CNTN5: variants seen among roughly 807,000 people sequenced by gnomAD.
CNTN5 encodes the protein contactin 5.
In CNTN5, 77 loss-of-function variants were observed where a neutral mutation model predicts 129.1. The observed-to-expected ratio is 0.60, with a 90% confidence interval of 0.50 to 0.72. CNTN5 has a LOEUF of 0.72. Among genes scored for constraint, CNTN5 ranks in the 30% least tolerant of loss-of-function variants. The pLI is 0.00. For synonymous variants in CNTN5, 509 were observed against 465.6 expected, an observed-to-expected ratio of 1.09 and a Z score of -1.20; for missense variants, 1,478 against 1,328.8, an observed-to-expected ratio of 1.11 and a Z score of -1.75.
At chr11:99,964,308 A>G (rs1349765214) in intron 8 of CNTN5, among the ~76,000 whole-genome samples, 1 of 151,844 alleles carries the variant, frequency 6.6e-6, no homozygotes, top group Non-Finnish European at 1.5e-5. Flanking sequence ...TGTCATAGAT[A>G]GCTTTTATTT....
chr11:99,898,120 T>C (rs1378855552), intron 6 of CNTN5, among the ~76,000 whole-genome samples: 1 of 151,634 alleles, frequency 6.6e-6, no homozygotes, highest in African/African-American at 2.4e-5. Context: ...ACATAAAAAA[T>C]AGAAAAATCT....
chr11:100,316,324 C>T (rs975998299), intron 21 of CNTN5, among the ~76,000 whole-genome samples: 1 of 152,152 alleles, frequency 6.6e-6, no homozygotes, highest in African/African-American at 2.4e-5. Flanking sequence ...GGGCACTATG[C>T]TGGGCAATGG....
At chr11:100,345,059 C>T (rs1952249047) in intron 23 of CNTN5, among the ~76,000 whole-genome samples, 2 of 152,082 alleles carry the variant, frequency 1.3e-5, no homozygotes, top group African/African-American at 4.8e-5. Flanking sequence ...TTGAGCTCCC[C>T]ATTGTCCAAG....
At chr11:99,366,730 A>T (rs1480182762) in intron 2 of CNTN5, among the ~76,000 whole-genome samples, 2 of 152,296 alleles carry the variant, frequency 1.3e-5, no homozygotes, top group South Asian at 4.1e-4. Context: ...TGAGGCGGTA[A>T]TTAGAAGTGA....
intron 3 of CNTN5, among the ~76,000 whole-genome samples, chr11:99,785,052 G>A (rs2266103): frequency 0.24 from 36,548 of 151,010 alleles, 4,969 homozygotes; most frequent in Non-Finnish European, 0.32. Context: ...GCCTGCCTCC[G>A]CCTGCCTCCA....
intron 9 of CNTN5, among the ~76,000 whole-genome samples, chr11:100,002,405 G>A (rs770562): frequency 0.99 from 151,102 of 152,242 alleles, 74,996 homozygotes; most frequent in Middle Eastern, 1. Flanking sequence ...CTTTACCTAT[G>A]TATCTTAAAA....
intron 2 of CNTN5, among the ~76,000 whole-genome samples, chr11:99,546,503 G>T (rs757722506): frequency 2.0e-5 from 3 of 152,118 alleles, no homozygotes; most frequent in Non-Finnish European, 4.4e-5. Context: ...GTTACAGCCT[G>T]TCAAGATGGA....
chr11:99,877,499 T>C (rs1948664269), intron 6 of CNTN5, among the ~76,000 whole-genome samples: 1 of 152,208 alleles, frequency 6.6e-6, no homozygotes, highest in Non-Finnish European at 1.5e-5. Flanking sequence ...TCTCTTTCTA[T>C]GGATCCCACA....
At chr11:99,537,685 T>C (rs10893481) in intron 2 of CNTN5, among the ~76,000 whole-genome samples, 37,773 of 152,104 alleles carry the variant, frequency 0.25, 5,165 homozygotes, top group Non-Finnish European at 0.31. Flanking sequence ...TCATGTTGTC[T>C]GTGGCATTTT....
At chr11:99,988,907 G>GC (rs1226601767) in intron 8 of CNTN5, among the ~76,000 whole-genome samples, 1 of 151,734 alleles carries the variant, frequency 6.6e-6, no homozygotes, top group Non-Finnish European at 1.5e-5. Flanking sequence ...ACTTAGGTTT[G>GC]CCTTAAGTCA....
At chr11:99,218,721 T>A (rs114935587) in intron 1 of CNTN5, among the ~76,000 whole-genome samples, 1 of 152,126 alleles carries the variant, frequency 6.6e-6, no homozygotes, top group Non-Finnish European at 1.5e-5. Flanking sequence ...TTGCAGCTGG[T>A]TACAAGACCT....
At chr11:99,574,663 T>A (rs963338508) in intron 3 of CNTN5, among the ~76,000 whole-genome samples, 4 of 152,342 alleles carry the variant, frequency 2.6e-5, no homozygotes, top group African/African-American at 9.6e-5. Context: ...TGACTGGTGA[T>A]GTTGAGCTTT....
At chr11:99,182,185 T>C (rs1858111301) in intron 1 of CNTN5, among the ~76,000 whole-genome samples, 2 of 152,216 alleles carry the variant, frequency 1.3e-5, no homozygotes, top group Admixed American at 1.3e-4. Flanking sequence ...GTGAGGATAT[T>C]GCTTTTTCCC....
rs1328041816 is a variant in CNTN5 at position 100,001,922 on chromosome 11, T to G, written c.878-112T>G. The G allele has an allele frequency of 9.5e-6, 7 of 737,890 alleles. No homozygotes were observed. The African/African-American group carries it at 1.3e-4, about 14-fold the overall frequency. 45.7% of individuals were successfully genotyped at this position (737,890 alleles called of 1,614,324 possible). A position where few individuals can be genotyped will look rare whatever the true frequency, so the allele number is the denominator to read the frequency against. ...AATACATCGAAAAATTTAACAGTCATCAAACAGACATTAACAACCAAACCA... is the reference window on the plus strand; with the variant it reads ...AATACATCGAAAAATTTAACAGTCAGCAAACAGACATTAACAACCAAACCA... On this transcript the variant is annotated intron_variant, in intron 8 of 24. Coordinates refer to ENST00000524871, the MANE Select transcript of CNTN5 (RefSeq NM_014361.4).
Position 99,669,665 on chromosome 11 carries a change from A to G in CNTN5, c.55+113396A>G, listed in dbSNP as rs570069366. 2.9e-3 allele frequency among the ~76,000 whole-genome samples: 441 copies of G among 152,218 alleles called. 2 individuals carry two copies. The highest frequency in any genetic ancestry group is 9.9e-3 in the African/African-American group (413 of 41,556). Reference sequence around the variant, plus strand: ...AATACATTATTGTTAGTAAAGACCTACAACGAATCCTACCACACTTTTATG... The same window carrying G: ...AATACATTATTGTTAGTAAAGACCTGCAACGAATCCTACCACACTTTTATG... On this transcript the variant is annotated intron_variant, in intron 3 of 24. Transcript: ENST00000524871.
chr11:99,919,945 G>C (rs1291650089), intron 7 of CNTN5, among the ~76,000 whole-genome samples: 3 of 151,950 alleles, frequency 2.0e-5, no homozygotes, highest in Admixed American at 6.6e-5. Context: ...ATGAGCCACT[G>C]GGTCCAGCCA....
chr11:99,365,677 T>C (rs776344901), intron 2 of CNTN5, among the ~76,000 whole-genome samples: 6 of 152,198 alleles, frequency 3.9e-5, no homozygotes, highest in Admixed American at 6.6e-5. Context: ...GCAGTAACTT[T>C]AACTTCTTAA....
chr11:100,070,024 G>C (rs1001652555), intron 10 of CNTN5, among the ~76,000 whole-genome samples: 4 of 152,000 alleles, frequency 2.6e-5, no homozygotes, highest in Admixed American at 2.6e-4. Flanking sequence ...CAGAGAGATA[G>C]AAACAAGTTG....
chr11:100,135,339 C>T (rs1460436933), intron 13 of CNTN5, among the ~76,000 whole-genome samples: 2 of 151,884 alleles, frequency 1.3e-5, no homozygotes, highest in African/African-American at 4.8e-5. Context: ...CCATGCCCAG[C>T]TAATTTTTTA....
Sources: gnomAD v4.1 joint callset for allele counts (sites outside exome capture counted in the v4.1 genomes callset) on GRCh38, gnomAD v4.1.1 for gene constraint, MANE v1.5 for transcripts, NCBI Gene and HGNC (gene_info 2026-07-23, HGNC 2026-07-21) for gene names.